NT5E: variants seen among roughly 807,000 people sequenced by gnomAD.
NT5E encodes the protein 5'-nucleotidase ecto.
In NT5E, 53 loss-of-function variants were observed where a neutral mutation model predicts 55.1. The observed-to-expected ratio is 0.96, with a 90% confidence interval of 0.77 to 1.21. The LOEUF (loss-of-function observed/expected upper bound fraction) is 1.21. NT5E is among the 50% of genes most tolerant of loss of function. The probability of loss-of-function intolerance (pLI) is 0.00; values close to 1 mark genes in which losing one functional copy is unlikely to be tolerated. For synonymous variants in NT5E, 270 were observed against 278.4 expected (o/e 0.97, Z 0.30); for missense variants, 683 against 724.3 (o/e 0.94, Z 0.65).
At chr6:85,469,014 G>C (rs1248830779) in intron 2 of NT5E, among the ~76,000 whole-genome samples, 3 of 152,228 alleles carry the variant, frequency 2.0e-5, no homozygotes, top group Non-Finnish European at 4.4e-5. Flanking sequence ...CAGGCCCAGC[G>C]GCCTGGTGTG....
At chr6:85,470,860 G>A (rs185868645) in intron 2 of NT5E, among the ~76,000 whole-genome samples, 125 of 152,332 alleles carry the variant, frequency 8.2e-4, no homozygotes, top group African/African-American at 2.9e-3. Flanking sequence ...TCCAACGAAC[G>A]TCTTGGAGTT....
At chr6:85,452,899 A>T (rs1768915117) in intron 1 of NT5E, among the ~76,000 whole-genome samples, 1 of 152,180 alleles carries the variant, frequency 6.6e-6, no homozygotes, top group African/African-American at 2.4e-5. Flanking sequence ...GGGCATCTCC[A>T]GTTTCCTGGA....
At chr6:85,486,501 C>T (rs1014863124) in intron 4 of NT5E, among the ~76,000 whole-genome samples, 4 of 152,096 alleles carry the variant, frequency 2.6e-5, no homozygotes, top group East Asian at 1.9e-4. Context: ...CCCCCCCATG[C>T]GTCCGTTTAT....
intron 1 of NT5E, among the ~76,000 whole-genome samples, chr6:85,453,025 G>A (rs926582785): frequency 7.2e-5 from 11 of 152,146 alleles, no homozygotes; most frequent in African/African-American, 2.7e-4. Context: ...AACTTCCAAG[G>A]AGGTGTACAC....
intron 1 of NT5E, among the ~76,000 whole-genome samples, chr6:85,460,414 T>C (rs1442429797): frequency 2.0e-5 from 3 of 152,218 alleles, no homozygotes; most frequent in African/African-American, 4.8e-5. Flanking sequence ...AATATAATAA[T>C]AAGCATGGAA....
At chr6:85,455,510 G>T (rs956420530) in intron 1 of NT5E, among the ~76,000 whole-genome samples, 2 of 152,214 alleles carry the variant, frequency 1.3e-5, no homozygotes, top group South Asian at 2.1e-4. Flanking sequence ...TGAAAGCTCC[G>T]CATTGCCCCC....
At chr6:85,469,845 T>C (rs1176945226) in intron 2 of NT5E, among the ~76,000 whole-genome samples, 4 of 152,208 alleles carry the variant, frequency 2.6e-5, no homozygotes, top group Admixed American at 6.5e-5. Context: ...TTATCTTCCA[T>C]GGTAATTTGC....
chr6:85,472,533 TGA>T (rs1582377937), intron 3 of NT5E, among the ~76,000 whole-genome samples: 3 of 152,372 alleles, frequency 2.0e-5, no homozygotes, highest in Admixed American at 6.5e-5. Context: ...TGAATGACTT[TGA>T]GCAGGTCACT....
chr6:85,471,667 T>C (rs1048890992), intron 3 of NT5E: 4 of 185,142 alleles, frequency 2.2e-5, no homozygotes, highest in Non-Finnish European at 3.3e-5. Context: ...ATAATAAATA[T>C]ATAAGACATA....
chr6:85,491,560 T>C (rs72905323), intron 7 of NT5E, among the ~76,000 whole-genome samples: 1 of 152,378 alleles, frequency 6.6e-6, no homozygotes, highest in Non-Finnish European at 1.5e-5. Flanking sequence ...CATAGCTCTA[T>C]GCCTTGTGGA....
At chr6:85,484,714 T>C (rs1196695483) in intron 3 of NT5E, among the ~76,000 whole-genome samples, 5 of 152,168 alleles carry the variant, frequency 3.3e-5, no homozygotes, top group Admixed American at 2.6e-4. Context: ...TATTCCCTTA[T>C]AAGGGAAAAA....
At chr6:85,481,139 AT>A (rs1769541950) in intron 3 of NT5E, among the ~76,000 whole-genome samples, 1 of 152,232 alleles carries the variant, frequency 6.6e-6, no homozygotes, top group Non-Finnish European at 1.5e-5. Context: ...TTCAACAAAC[AT>A]TTATCTAGCA....
At chr6:85,473,695 C>T (rs1197753171) in intron 3 of NT5E, among the ~76,000 whole-genome samples, 1 of 152,130 alleles carries the variant, frequency 6.6e-6, no homozygotes, top group Admixed American at 6.5e-5. Context: ...GAATGCACCC[C>T]AACTTTTCTG....
Position 85,471,316 on chromosome 6 carries a change from AAT to A in NT5E, c.643_644del (p.Ile215TyrfsTer9). ...DKLKTLNVNK[I>X]IALGHSGFEM... ...AGTTAAAAACTCTAAATGTGAACAA[AAT>A]TATTGCACTGGGACATTCGGGTTTT... On this transcript the variant is annotated frameshift_variant, in exon 3 of 9. Coordinates refer to ENST00000257770, the MANE Select transcript of NT5E (RefSeq NM_002526.4). LOFTEE classifies it high-confidence loss of function. The A allele has an allele frequency of 1.2e-6, 2 of 1,613,136 alleles. No homozygotes were observed. Among genetic ancestry groups the A allele is most frequent in the Non-Finnish European group, 1.7e-6 (2 of 1,179,270 alleles).
rs1214036500 is a variant in NT5E, at chr6:85,450,193, G to T, written c.54G>T (p.Ala18=). The change falls in exon 1 of 9, where the codon GCG becomes GCT. Residue 18 remains alanine (A), a synonymous_variant. Transcript: ENST00000257770. This position sits in a 1 kb window ranked among gnomAD's most constrained non-coding sequence, Gnocchi z 4.0. ...CGACGCTACTCCTCGCCCTGGGCGC[G>T]GTGCTGTGGCCTGCGGCTGGCGCCT... The part of the protein sequence containing the change: ...APATLLLALG[A]VLWPAAGAWE... 5.6e-6 allele frequency: 9 copies of T among 1,608,638 alleles called. No homozygotes were observed. Among genetic ancestry groups the T allele is most frequent in the Non-Finnish European group, 7.6e-6 (9 of 1,178,596 alleles).
intron 3 of NT5E, among the ~76,000 whole-genome samples, chr6:85,472,913 T>C (rs1769345599): frequency 6.6e-6 from 1 of 152,202 alleles, no homozygotes; most frequent in African/African-American, 2.4e-5. Context: ...TAGGGCTTTT[T>C]TTTTTGACAG....
intron 1 of NT5E, among the ~76,000 whole-genome samples, chr6:85,462,878 C>G (rs936806955): frequency 3.3e-5 from 5 of 152,346 alleles, no homozygotes; most frequent in African/African-American, 7.2e-5. Flanking sequence ...AATTCACAGC[C>G]TGGCACTCCA....
chr6:85,453,560 G>A (rs906350325), intron 1 of NT5E, among the ~76,000 whole-genome samples: 4 of 152,204 alleles, frequency 2.6e-5, no homozygotes, highest in Non-Finnish European at 5.9e-5. Context: ...GCACAAAACT[G>A]AAGGTATCCA....
At chr6:85,471,572 A>T (rs1769308791) in intron 3 of NT5E, 147 bp downstream of exon 3, 2 of 415,622 alleles carry the variant, frequency 4.8e-6, no homozygotes, top group Non-Finnish European at 8.3e-6. Flanking sequence ...AATATACATT[A>T]AATGGGAACA....
Sources: gnomAD v4.1 joint callset for allele counts (sites outside exome capture counted in the v4.1 genomes callset) on GRCh38, gnomAD v4.1.1 for gene constraint, Gnocchi (gnomAD v3.1) non-coding constraint, MANE v1.5 for transcripts, NCBI Gene and HGNC (gene_info 2026-07-23, HGNC 2026-07-21) for gene names.